The following KDM1B variants were observed in gnomAD, a reference collection of about 807,000 sequenced individuals.
KDM1B encodes the protein lysine demethylase 1B.
KDM1B carries 63 observed loss-of-function variants against 107.4 expected under a neutral mutation model. The observed-to-expected ratio is 0.59, with a 90% CI of 0.48 to 0.72. The LOEUF is 0.72. KDM1B is among the 30% of genes least tolerant of loss of function. The pLI is 0.00. For missense variants in KDM1B, 749 were observed against 1,020.8 expected, an observed-to-expected ratio of 0.73 and a Z score of 3.63; for synonymous variants, 363 against 363.9, an observed-to-expected ratio of 1.00 and a Z score of 0.03.
chr6:18,156,607 T>G (rs925871511), intron 2 of KDM1B, among the ~76,000 whole-genome samples: 1 of 152,068 alleles, frequency 6.6e-6, no homozygotes, highest in Non-Finnish European at 1.5e-5. Context: ...CAATTGGGGA[T>G]TTAATATTGA....
chr6:18,193,925 G>A (rs6931388), intron 10 of KDM1B, among the ~76,000 whole-genome samples: 2,075 of 152,004 alleles, frequency 0.014, 52 homozygotes, highest in African/African-American at 0.047. Flanking sequence ...CCAGGCTGGA[G>A]TGCAATGATG....
intron 5 of KDM1B, among the ~76,000 whole-genome samples, chr6:18,164,512 C>A (rs945653398): frequency 4.6e-5 from 7 of 152,042 alleles, no homozygotes; most frequent in African/African-American, 1.7e-4. Context: ...AAAATTGACC[C>A]CTTTGTGTAA....
chr6:18,175,231 A>G (rs1561916883), intron 7 of KDM1B, among the ~76,000 whole-genome samples: 3 of 152,112 alleles, frequency 2.0e-5, no homozygotes, highest in South Asian at 2.1e-4. Context: ...CGTTTCCCCA[A>G]TCGTTAGTGA....
At chr6:18,167,444 G>T (rs67109262) in intron 6 of KDM1B, among the ~76,000 whole-genome samples, 1 of 151,624 alleles carries the variant, frequency 6.6e-6, no homozygotes. Context: ...TGCATATATT[G>T]TTGAAATATA....
At chr6:18,196,704 C>T (rs1232445572) in intron 10 of KDM1B, among the ~76,000 whole-genome samples, 2 of 152,308 alleles carry the variant, frequency 1.3e-5, no homozygotes, top group South Asian at 2.1e-4. Flanking sequence ...TTATTTCCTA[C>T]ACAATATTAT....
In KDM1B at chr6:18,214,213, T is replaced by A. The variant is rs773835250; in HGVS notation, c.2109+432T>A. On this transcript the variant is annotated intron_variant, in intron 19 of 21. Transcript: ENST00000650836. This position sits in a 1 kb window ranked among gnomAD's most constrained non-coding sequence, Gnocchi z 4.4. The stretch of plus-strand genomic sequence containing the variant: ...GAAGGAAGGAGAGAGGAGAATGGCA[T>A]ACCCAGAGCTGGACGGGGGTGGTCA... Among the ~76,000 whole-genome samples, 39 of 152,112 alleles carry A rather than the reference T, an allele frequency of 2.6e-4. No individual in the cohort carries two copies. Among genetic ancestry groups the A allele is most frequent in the Non-Finnish European group, 5.0e-4 (34 of 68,006 alleles).
Position 18,212,368 on chromosome 6 carries a change from C to T in KDM1B, c.1867-120C>T, listed in dbSNP as rs1046140363. On this transcript the variant is annotated intron_variant, in intron 17 of 21. Transcript: ENST00000650836. The surrounding 1 kb of genome is among the most constrained non-coding windows in gnomAD (Gnocchi z 5.2). Reference sequence around the variant, plus strand: ...ACCCTTGTGCAGTGAGCAACCTGCACAGTTGCACATGGCAGCCCTTGTTCT... The same window carrying T: ...ACCCTTGTGCAGTGAGCAACCTGCATAGTTGCACATGGCAGCCCTTGTTCT... The T allele has an allele frequency of 8.0e-6, 6 of 749,032 alleles. No individual in the cohort carries two copies. The East Asian group carries it at 1.5e-4, about 18-fold the overall frequency. 46.4% of individuals were successfully genotyped at this position (749,032 alleles called of 1,614,324 possible).
chr6:18,208,601 A>G (rs147427078), intron 17 of KDM1B, among the ~76,000 whole-genome samples: 13 of 38,296 alleles, frequency 3.4e-4, no homozygotes, highest in South Asian at 2.5e-3. Context: ...AAGTATGTGT[A>G]TGTATATATA....
chr6:18,210,389 T>C (rs1439728826), intron 17 of KDM1B, among the ~76,000 whole-genome samples: 2 of 143,364 alleles, frequency 1.4e-5, no homozygotes, highest in East Asian at 4.2e-4. Flanking sequence ...CAGGGTCTTA[T>C]TCTGTTGCCC....
rs1420123459 is a variant in KDM1B, at chr6:18,213,341, C to T, written c.1984-315C>T. Among the ~76,000 whole-genome samples, 6 of 151,408 alleles carry T rather than the reference C, an allele frequency of 4.0e-5. No homozygotes were observed. The highest frequency in any genetic ancestry group is 1.5e-4 in the African/African-American group (6 of 41,158). ...ATCCCAGCTACTTGGGATGCTGAGG[C>T]AGGAGAATCACTCGAAACCGGAAAG... On this transcript the variant is annotated intron_variant, in intron 18 of 21. Transcript: ENST00000650836. The surrounding 1 kb of genome is among the most constrained non-coding windows in gnomAD (Gnocchi z 5.9).
At position 18,172,992 on chromosome 6, in the gene KDM1B, A is replaced by C. The variant is rs367772100; in HGVS notation, c.534+1513A>C. On this transcript the variant is annotated intron_variant, in intron 7 of 21. Transcript: ENST00000650836. The surrounding 1 kb of genome is among the most constrained non-coding windows in gnomAD (Gnocchi z 5.2). ...GTAATCTCAGCTACTCGGGAGGCTA[A>C]GGTAGGAGAATCACTTGAACCCGGG... Among the ~76,000 whole-genome samples, 2 of 151,876 alleles carry C rather than the reference A, an allele frequency of 1.3e-5. No homozygotes were observed. Among genetic ancestry groups the C allele is most frequent in the Non-Finnish European group, 2.9e-5 (2 of 68,000 alleles).
chr6:18,215,156 A>G (rs780396578), intron 20 of KDM1B, 27 bp downstream of exon 20: 125 of 1,603,802 alleles, frequency 7.8e-5, no homozygotes, highest in Non-Finnish European at 1.0e-4. Flanking sequence ...CCTCCTTGAA[A>G]GGGGCAAGCC....
Position 18,162,968 on chromosome 6 carries a change from G to C in KDM1B, c.305+44G>C. 1 of 1,201,216 alleles carries C rather than the reference G, an allele frequency of 8.3e-7. No individual in the cohort carries two copies. The highest frequency in any genetic ancestry group is 1.2e-6 in the Non-Finnish European group (1 of 803,032). The allele number at this position is 1,201,216 out of a possible 1,614,324, so 74.4% of individuals were successfully genotyped here. A position where few individuals can be genotyped will look rare whatever the true frequency, so the allele number is the denominator to read the frequency against. On this transcript the variant is annotated intron_variant, in intron 5 of 21. Transcript: ENST00000650836. This position sits in a 1 kb window ranked among gnomAD's most constrained non-coding sequence, Gnocchi z 4.1. Reference sequence around the variant, plus strand: ...TGAGGTTTCCCTGGAGAAGGGGACCGTGGCAGGGGCAGTGCGTGTGGTCAG... The same window carrying C: ...TGAGGTTTCCCTGGAGAAGGGGACCCTGGCAGGGGCAGTGCGTGTGGTCAG...
intron 5 of KDM1B, among the ~76,000 whole-genome samples, chr6:18,165,483 T>G (rs1177517654): frequency 6.6e-6 from 1 of 152,148 alleles, no homozygotes; most frequent in Non-Finnish European, 1.5e-5. Context: ...TTTCATCTAC[T>G]GATGTAATTT....
At chr6:18,193,223 T>A in intron 10 of KDM1B, among the ~76,000 whole-genome samples, 1 of 147,204 alleles carries the variant, frequency 6.8e-6, no homozygotes, top group African/African-American at 2.5e-5. Context: ...AAAGAATTTA[T>A]ATACTTAATA....
intron 7 of KDM1B, among the ~76,000 whole-genome samples, chr6:18,177,545 C>CTATTTATT (rs537484760): frequency 6.6e-6 from 1 of 151,050 alleles, no homozygotes; most frequent in African/African-American, 2.4e-5. Flanking sequence ...GAGGCCACAC[C>CTATTTATT]TATTTATTTA....
At position 18,208,193 on chromosome 6, in the gene KDM1B, A is replaced by G; in HGVS notation, c.1853A>G (p.Tyr618Cys). ...VQVTTTDGTG[Y>C]SAQKVLVTVP... ...GTTACCACTACAGATGGCACAGGGT[A>G]TTCTGCACAAAAGGTAAGAGCTAGG... Residue 618 changes from tyrosine (Y) to cysteine (C), a missense_variant, in exon 17 of 22, where the codon TAT becomes TGT. By Grantham distance (194) the Tyr-to-Cys change is radical (BLOSUM62 -2). Transcript: ENST00000650836. 1.9e-6 allele frequency: 3 copies of G among 1,613,260 alleles called. No homozygotes were observed. Among genetic ancestry groups the G allele is most frequent in the Non-Finnish European group, 2.5e-6 (3 of 1,179,356 alleles).
At chr6:18,202,124 G>A (rs542844839) in intron 14 of KDM1B, among the ~76,000 whole-genome samples, 2 of 152,146 alleles carry the variant, frequency 1.3e-5, no homozygotes, top group Non-Finnish European at 2.9e-5. Flanking sequence ...TAACCCATTA[G>A]GCACAGTGGC....
chr6:18,208,322 T>C (rs1487544506), intron 17 of KDM1B, 116 bp downstream of exon 17: 14 of 717,454 alleles, frequency 2.0e-5, no homozygotes, highest in Non-Finnish European at 3.1e-5. Context: ...TGGACCCTTG[T>C]TGGATTTCTG....
Sources: gnomAD v4.1 joint callset for allele counts (sites outside exome capture counted in the v4.1 genomes callset) on GRCh38, gnomAD v4.1.1 for gene constraint, Gnocchi (gnomAD v3.1) non-coding constraint, MANE v1.5 for transcripts, NCBI Gene and HGNC (gene_info 2026-07-23, HGNC 2026-07-21) for gene names.